Variants in PTPRT observed in about 807,000 individuals in gnomAD.
PTPRT encodes the protein receptor-type tyrosine-protein phosphatase T.
PTPRT carries 56 observed loss-of-function variants against 176.8 expected under a neutral mutation model. The observed-to-expected ratio is 0.32, with a 90% CI of 0.26 to 0.40. The LOEUF (loss-of-function observed/expected upper bound fraction) is 0.40. Among genes scored for constraint, PTPRT ranks in the 10% least tolerant of loss-of-function variants. The pLI, the probability that PTPRT is intolerant of heterozygous loss-of-function variation, is 1.00. For missense variants in PTPRT, 1,540 were observed against 1,908.2 expected (o/e 0.81, Z 3.60); for synonymous variants, 783 against 739.0 (o/e 1.06, Z -0.96).
intron 9 of PTPRT, among the ~76,000 whole-genome samples, chr20:42,374,385 T>C (rs1020414900): frequency 6.6e-6 from 1 of 152,244 alleles, no homozygotes; most frequent in Non-Finnish European, 1.5e-5. Flanking sequence ...TGATCTCTGG[T>C]CTGGACTTTT....
At chr20:42,955,767 A>G (rs1039841581) in intron 1 of PTPRT, among the ~76,000 whole-genome samples, 17 of 150,236 alleles carry the variant, frequency 1.1e-4, no homozygotes, top group Admixed American at 9.3e-4. Context: ...TCTCACAAAG[A>G]CTTCACTGCA....
At chr20:42,651,617 T>C (rs2075032023) in intron 7 of PTPRT, among the ~76,000 whole-genome samples, 1 of 152,198 alleles carries the variant, frequency 6.6e-6, no homozygotes, top group Non-Finnish European at 1.5e-5. Flanking sequence ...TTACTAATGA[T>C]ATTCAAGGCA....
chr20:43,163,378 A>C (rs778293728), intron 1 of PTPRT, among the ~76,000 whole-genome samples: 46 of 152,128 alleles, frequency 3.0e-4, no homozygotes, highest in East Asian at 9.7e-4. Flanking sequence ...GTGGCTCGTG[A>C]CTGTAATCCC....
chr20:42,680,905 G>T (rs990300187), intron 6 of PTPRT, among the ~76,000 whole-genome samples: 15 of 152,174 alleles, frequency 9.9e-5, no homozygotes, highest in African/African-American at 3.4e-4. Context: ...ACATTTGTGT[G>T]CAGATTAGCC....
intron 11 of PTPRT, among the ~76,000 whole-genome samples, chr20:42,317,964 A>G (rs1419430483): frequency 6.6e-6 from 1 of 152,154 alleles, no homozygotes; most frequent in African/African-American, 2.4e-5. Flanking sequence ...AATGCACACT[A>G]CATCTGAGGG....
At chr20:42,206,506 A>C (rs1482409619) in intron 15 of PTPRT, among the ~76,000 whole-genome samples, 1 of 152,198 alleles carries the variant, frequency 6.6e-6, no homozygotes, top group African/African-American at 2.4e-5. Context: ...TTTCCGAGTC[A>C]AAGAAAGGGG....
intron 9 of PTPRT, among the ~76,000 whole-genome samples, chr20:42,425,470 T>A (rs2059154761): frequency 6.6e-6 from 1 of 151,972 alleles, no homozygotes. Context: ...AACTAGGGGG[T>A]GAAGAAAATG....
intron 1 of PTPRT, among the ~76,000 whole-genome samples, chr20:43,034,728 T>C (rs1986303952): frequency 6.6e-6 from 1 of 151,616 alleles, no homozygotes; most frequent in African/African-American, 2.4e-5. Flanking sequence ...GGCAAATAAA[T>C]TCACAGTAGA....
At chr20:42,206,234 G>T (rs73120422) in intron 15 of PTPRT, among the ~76,000 whole-genome samples, 3,506 of 152,310 alleles carry the variant, frequency 0.023, 59 homozygotes, top group Non-Finnish European at 0.032. Flanking sequence ...TGAGGCAAAG[G>T]CTGAGCTACA....
At chr20:42,579,031 TA>T (rs1470325683) in intron 7 of PTPRT, among the ~76,000 whole-genome samples, 1 of 151,532 alleles carries the variant, frequency 6.6e-6, no homozygotes, top group Non-Finnish European at 1.5e-5. Context: ...TAACATTAGG[TA>T]TATCTTTTAA....
intron 2 of PTPRT, among the ~76,000 whole-genome samples, chr20:42,792,467 A>G (rs1181169370): frequency 1.3e-5 from 2 of 152,218 alleles, no homozygotes; most frequent in Non-Finnish European, 2.9e-5. Flanking sequence ...CTGGCCAGAG[A>G]CAAAGTGAGT....
intron 1 of PTPRT, among the ~76,000 whole-genome samples, chr20:43,073,544 CAT>C (rs906293750): frequency 8.6e-5 from 13 of 151,618 alleles, no homozygotes; most frequent in South Asian, 2.1e-4. Flanking sequence ...GTATATAGCA[CAT>C]GTGTTTTTTA....
At chr20:42,539,411 T>C (rs111449316) in intron 7 of PTPRT, among the ~76,000 whole-genome samples, 2,166 of 151,016 alleles carry the variant, frequency 0.014, 55 homozygotes, top group African/African-American at 0.05. Context: ...TGGTTAGTAC[T>C]TGAATGGGAA....
chr20:43,189,032 G>A lies in PTPRT; in HGVS notation c.88+614C>T, dbSNP rs1026847986. Reference sequence around the variant, plus strand: ...CTTAACACGGGCGCCCAGCTACCTCGGAGAAAAGCCAGCGGGTAGGGCGGA... The same window carrying A: ...CTTAACACGGGCGCCCAGCTACCTCAGAGAAAAGCCAGCGGGTAGGGCGGA... On this transcript the variant is annotated intron_variant, in intron 1 of 30. Coordinates refer to ENST00000373187, the MANE Select transcript of PTPRT (RefSeq NM_007050.6). The surrounding 1 kb of genome is among the most constrained non-coding windows in gnomAD (Gnocchi z 5.0). 2.0e-5 allele frequency among the ~76,000 whole-genome samples: 3 copies of A among 152,314 alleles called. No individual in the cohort carries two copies. The East Asian group carries it at 5.8e-4, about 29-fold the overall frequency.
At chr20:42,343,331 C>T (rs1172452898) in intron 11 of PTPRT, among the ~76,000 whole-genome samples, 1 of 152,150 alleles carries the variant, frequency 6.6e-6, no homozygotes, top group Non-Finnish European at 1.5e-5. Context: ...ACTTTCCATC[C>T]CACGAACCAA....
intron 7 of PTPRT, among the ~76,000 whole-genome samples, chr20:42,499,116 T>G (rs369834018): frequency 2.0e-5 from 3 of 152,218 alleles, no homozygotes; most frequent in South Asian, 2.1e-4. Flanking sequence ...CTCATGACAT[T>G]TGAACTCACA....
chr20:42,299,709 G>A (rs920613558), intron 12 of PTPRT, among the ~76,000 whole-genome samples: 4 of 133,326 alleles, frequency 3.0e-5, no homozygotes, highest in Admixed American at 8.5e-5. Flanking sequence ...GTGCAGTGGC[G>A]CTATCTCATC....
chr20:42,931,497 C>A (rs1281224213), intron 1 of PTPRT, among the ~76,000 whole-genome samples: 1 of 152,150 alleles, frequency 6.6e-6, no homozygotes, highest in Non-Finnish European at 1.5e-5. Flanking sequence ...CCACTGCCTC[C>A]CAAATGCTGA....
chr20:42,997,184 G>C (rs1408190540), intron 1 of PTPRT, among the ~76,000 whole-genome samples: 1 of 152,062 alleles, frequency 6.6e-6, no homozygotes, highest in African/African-American at 2.4e-5. Flanking sequence ...ACCCCCATTT[G>C]CTTCTACACT....
Sources: gnomAD v4.1 joint callset for allele counts (sites outside exome capture counted in the v4.1 genomes callset) on GRCh38, gnomAD v4.1.1 for gene constraint, Gnocchi (gnomAD v3.1) non-coding constraint, MANE v1.5 for transcripts, NCBI Gene and HGNC (gene_info 2026-07-23, HGNC 2026-07-21) for gene names.